The following ECE1 variants were observed in gnomAD, a reference collection of about 807,000 sequenced individuals.
ECE1 encodes the protein endothelin converting enzyme 1.
Under a neutral mutation model 98.6 loss-of-function variants are expected in ECE1, and 35 were observed. The observed-to-expected ratio is 0.35, with a 90% CI of 0.27 to 0.47. ECE1 has a LOEUF of 0.47. Among genes scored for constraint, ECE1 ranks in the 20% least tolerant of loss-of-function variants. ECE1 has a pLI of 1.00. For synonymous variants in ECE1, 394 were observed against 407.1 expected (o/e 0.97, Z 0.39); for missense variants, 814 against 1,025.3 (o/e 0.79, Z 2.81).
chr1:21,228,864 C>T (rs1456698444), intron 14 of ECE1, among the ~76,000 whole-genome samples: 1 of 850 alleles, frequency 1.2e-3, no homozygotes, highest in African/African-American at 4.9e-3. Context: ...TTTTTTGAGA[C>T]GGAGCTCACT....
intron 10 of ECE1, 71 bp downstream of exon 10, chr1:21,244,918 T>C (rs535814749): frequency 6.9e-7 from 1 of 1,447,492 alleles, no homozygotes. Context: ...TCCCTTCCTG[T>C]GCTCCCATAG....
At chr1:21,320,843 C>T (rs568592237) in intron 1 of ECE1, among the ~76,000 whole-genome samples, 38 of 152,342 alleles carry the variant, frequency 2.5e-4, no homozygotes, top group African/African-American at 7.0e-4. Context: ...CTGCCAGCAG[C>T]GTGGAGCTCG....
chr1:21,287,790 T>C (rs1448276476), intron 2 of ECE1, among the ~76,000 whole-genome samples: 1 of 152,192 alleles, frequency 6.6e-6, no homozygotes, highest in Non-Finnish European at 1.5e-5. Flanking sequence ...GATATAACAT[T>C]GTGTATTTAC....
chr1:21,330,057 G>T (rs1022996759), intron 1 of ECE1, among the ~76,000 whole-genome samples: 4 of 150,572 alleles, frequency 2.7e-5, no homozygotes, highest in African/African-American at 9.8e-5. Context: ...CATCCTTCAA[G>T]ACCCAACTCA....
intron 4 of ECE1, among the ~76,000 whole-genome samples, chr1:21,262,975 C>A (rs1182848816): frequency 6.6e-6 from 1 of 152,186 alleles, no homozygotes; most frequent in African/African-American, 2.4e-5. Context: ...GTGAGGCAAA[C>A]GGCAGCCAAG....
At chr1:21,315,438 C>T (rs867898122) in intron 1 of ECE1, among the ~76,000 whole-genome samples, 2 of 152,138 alleles carry the variant, frequency 1.3e-5, no homozygotes, top group Non-Finnish European at 2.9e-5. Flanking sequence ...CCACCTCACC[C>T]TCACGGCGTC....
chr1:21,334,899 C>T (rs1343649062), intron 1 of ECE1, among the ~76,000 whole-genome samples: 1 of 151,996 alleles, frequency 6.6e-6, no homozygotes. Flanking sequence ...CTGCCCCCTA[C>T]AGTCCATGCT....
chr1:21,284,464 G>A (rs1447213100), intron 2 of ECE1, among the ~76,000 whole-genome samples: 4 of 152,174 alleles, frequency 2.6e-5, no homozygotes, highest in Admixed American at 2.6e-4. Context: ...GAGAAGGAGG[G>A]GGTGCCCTCA....
At chr1:21,330,639 G>A (rs192797429) in intron 1 of ECE1, among the ~76,000 whole-genome samples, 1 of 152,278 alleles carries the variant, frequency 6.6e-6, no homozygotes, top group East Asian at 1.9e-4. Context: ...CACAGGAAAC[G>A]TACTCAGCAA....
chr1:21,312,016 G>A (rs550646336), intron 1 of ECE1, among the ~76,000 whole-genome samples: 17 of 151,398 alleles, frequency 1.1e-4, no homozygotes, highest in Admixed American at 4.6e-4. Context: ...CCAGCTACTG[G>A]GGAGGCTGAG....
chr1:21,317,168 G>C (rs959999954), intron 1 of ECE1, among the ~76,000 whole-genome samples: 1 of 152,160 alleles, frequency 6.6e-6, no homozygotes, highest in Non-Finnish European at 1.5e-5. Context: ...CTTTTAATAT[G>C]TCTGAGATAT....
At position 21,221,830 on chromosome 1, in the gene ECE1, A is replaced by G; in HGVS notation, c.2053T>C (p.Trp685Arg). ...TGCTCAGCCCCGTTCTTCTTCACCC[A>G]GTTCTGGTAAGCCTGGGAGGAGAGA... is the stretch of plus-strand genomic sequence containing the variant. ...LKAAYRAYQN[W>R]VKKNGAEHSL... The change falls in exon 18 of 19, where the codon TGG becomes CGG. Residue 685 changes from tryptophan (W) to arginine (R), a missense_variant. Trp to Arg is a moderately radical substitution (Grantham distance 101, BLOSUM62 -3). Transcript: ENST00000374893. 1 of 1,614,128 alleles carries G rather than the reference A, an allele frequency of 6.2e-7. No homozygotes were observed. The highest frequency in any genetic ancestry group is 8.5e-7 in the Non-Finnish European group (1 of 1,180,010).
chr1:21,291,289 C>CT (rs2098266380), upstream of ECE1, among the ~76,000 whole-genome samples: 1 of 152,236 alleles, frequency 6.6e-6, no homozygotes, highest in Admixed American at 6.5e-5. Context: ...AAAGGACTCT[C>CT]CGCTTCTAGC....
At chr1:21,280,808 A>T (rs927730092) in intron 2 of ECE1, among the ~76,000 whole-genome samples, 2 of 152,098 alleles carry the variant, frequency 1.3e-5, no homozygotes, top group African/African-American at 2.4e-5. Context: ...TTAGGTATTT[A>T]CTGGGCAGGA....
chr1:21,305,356 C>A (rs138181118), intron 1 of ECE1, among the ~76,000 whole-genome samples: 1 of 152,182 alleles, frequency 6.6e-6, no homozygotes, highest in Non-Finnish European at 1.5e-5. Context: ...TCAGGAAATA[C>A]GAGTTGAATG....
At chr1:21,291,517 C>T (rs1469705880), upstream of ECE1, among the ~76,000 whole-genome samples, 1 of 152,174 alleles carries the variant, frequency 6.6e-6, no homozygotes, top group East Asian at 1.9e-4. Flanking sequence ...CCAGGATGAG[C>T]CTTTAAAATG....
At position 21,322,167 on chromosome 1, in the gene ECE1, C is replaced by T. The variant is rs1638978876; in HGVS notation, c.3+23209G>A. On this transcript the variant is annotated intron_variant, in intron 1 of 18. Coordinates refer to the ECE1 transcript ENST00000415912. This position sits in a 1 kb window ranked among gnomAD's most constrained non-coding sequence, Gnocchi z 4.1. Reference sequence around the variant, plus strand: ...AAGTCAGCATTATATGCCCCTTTTACAGATGAAGAAACAGGGGCTCAGAAA... The same window carrying T: ...AAGTCAGCATTATATGCCCCTTTTATAGATGAAGAAACAGGGGCTCAGAAA... Among the ~76,000 whole-genome samples, 1 of 152,130 alleles carries T rather than the reference C, an allele frequency of 6.6e-6. No homozygotes were observed. Among genetic ancestry groups the T allele is most frequent in the Non-Finnish European group, 1.5e-5 (1 of 68,034 alleles).
Position 21,235,972 on chromosome 1 carries a change from C to T in ECE1, c.1489-45G>A, listed in dbSNP as rs1055638664. 1.3e-6 allele frequency: 2 copies of T among 1,590,188 alleles called. No individual in the cohort carries two copies. Among genetic ancestry groups the T allele is most frequent in the Non-Finnish European group, 1.7e-6 (2 of 1,158,296 alleles). ...GAAGTGAGTGCCCGGCAACATCGAC[C>T]AGGCCAGCCTGAGCAACTTGGGTGC... On this transcript the variant is annotated intron_variant, in intron 12 of 18. Transcript: ENST00000374893. This position sits in a 1 kb window ranked among gnomAD's most constrained non-coding sequence, Gnocchi z 4.2.
intron 1 of ECE1, among the ~76,000 whole-genome samples, chr1:21,344,771 C>T (rs935868766): frequency 3.9e-5 from 6 of 152,214 alleles, no homozygotes; most frequent in African/African-American, 1.4e-4. Context: ...GGGTGCAGGG[C>T]CCCTGAGTGT....
Sources: gnomAD v4.1 joint callset for allele counts (sites outside exome capture counted in the v4.1 genomes callset) on GRCh38, gnomAD v4.1.1 for gene constraint, Gnocchi (gnomAD v3.1) non-coding constraint, MANE v1.5 for transcripts, NCBI Gene and HGNC (gene_info 2026-07-23, HGNC 2026-07-21) for gene names.